Variants in MAGI2 observed in about 807,000 individuals in gnomAD.
MAGI2 encodes the protein membrane-associated guanylate kinase, WW and PDZ domain-containing protein 2.
MAGI2 carries 35 observed loss-of-function variants against 133.3 expected under a neutral mutation model. That is an observed-to-expected ratio of 0.26 (90% CI 0.20 to 0.35). The LOEUF (loss-of-function observed/expected upper bound fraction) is 0.35. Ranked by LOEUF, MAGI2 falls within the 10% of genes least tolerant of loss-of-function variation. MAGI2 has a pLI of 1.00. For missense variants in MAGI2, 1,636 were observed against 1,863.4 expected (o/e 0.88, Z 2.25); for synonymous variants, 729 against 710.6 (o/e 1.03, Z -0.41).
At chr7:78,760,458 G>A (rs1585321070) in intron 2 of MAGI2, among the ~76,000 whole-genome samples, 1 of 151,390 alleles carries the variant, frequency 6.6e-6, no homozygotes, top group East Asian at 2.0e-4. Flanking sequence ...CACCTCCTGG[G>A]TTCGAGCGAT....
intron 1 of MAGI2, among the ~76,000 whole-genome samples, chr7:79,391,522 T>TATATAGAC: frequency 1.8e-5 from 1 of 54,200 alleles, no homozygotes; most frequent in East Asian, 8.2e-4. Context: ...TATATATATA[T>TATATAGAC]ATATATATAT....
intron 1 of MAGI2, among the ~76,000 whole-genome samples, chr7:79,252,156 C>CAAAAAAAAAAAAAAAAAAAAAA (rs1208897198): frequency 9.7e-6 from 1 of 102,596 alleles, no homozygotes; most frequent in Non-Finnish European, 1.8e-5. Flanking sequence ...GACCCTGTCT[C>CAAAAAAAAAAAAAAAAAAAAAA]AAAAAAAAAA....
chr7:78,752,637 C>A (rs1263743847), intron 2 of MAGI2, among the ~76,000 whole-genome samples: 1 of 152,110 alleles, frequency 6.6e-6, no homozygotes, highest in African/African-American at 2.4e-5. Flanking sequence ...CACAGAAAGA[C>A]CCTGTCTAAC....
intron 4 of MAGI2, among the ~76,000 whole-genome samples, chr7:78,517,608 T>C (rs2150574880): frequency 6.6e-6 from 1 of 152,170 alleles, no homozygotes; most frequent in Non-Finnish European, 1.5e-5. Context: ...TAGAGGAGAG[T>C]GGCCATTATT....
chr7:78,796,775 A>G (rs1297439454), intron 2 of MAGI2, among the ~76,000 whole-genome samples: 1 of 152,184 alleles, frequency 6.6e-6, no homozygotes, highest in South Asian at 2.1e-4. Context: ...GTATATATAC[A>G]TAATGGAATA....
At chr7:78,746,582 A>G (rs900143692) in intron 2 of MAGI2, among the ~76,000 whole-genome samples, 2 of 152,200 alleles carry the variant, frequency 1.3e-5, no homozygotes, top group African/African-American at 4.8e-5. Flanking sequence ...TAAATTTCAT[A>G]CTAATGCCAG....
chr7:79,058,477 A>G (rs1341027576), intron 1 of MAGI2, among the ~76,000 whole-genome samples: 1 of 152,170 alleles, frequency 6.6e-6, no homozygotes, highest in Non-Finnish European at 1.5e-5. Flanking sequence ...CAGTTGAGAA[A>G]GCATCAAAGG....
intron 2 of MAGI2, among the ~76,000 whole-genome samples, chr7:78,752,464 A>C (rs548449767): frequency 2.0e-5 from 3 of 150,900 alleles, no homozygotes; most frequent in Middle Eastern, 3.4e-3. Context: ...TCAGCTGGGC[A>C]TGGTGGTGTG....
At chr7:78,415,160 A>G (rs888140022) in intron 6 of MAGI2, among the ~76,000 whole-genome samples, 3 of 152,240 alleles carry the variant, frequency 2.0e-5, no homozygotes, top group African/African-American at 4.8e-5. Context: ...CTTTATGTTC[A>G]GCTCATGATA....
At chr7:79,248,293 G>A (rs1285998396) in intron 1 of MAGI2, among the ~76,000 whole-genome samples, 1 of 152,096 alleles carries the variant, frequency 6.6e-6, no homozygotes, top group Non-Finnish European at 1.5e-5. Context: ...AATGATAAAA[G>A]GGTCAATTCA....
chr7:79,431,518 G>A lies in MAGI2; in HGVS notation c.301+21502C>T, dbSNP rs748384841. Among the ~76,000 whole-genome samples the A allele has an allele frequency of 4.6e-5, 7 of 151,992 alleles. No homozygotes were observed. In the East Asian group the frequency reaches 5.8e-4, roughly 13 times the overall value. ...TATTTTATATTCCTTGTATTTTAAC[G>A]TAGTCCTAATATAGTATTTTTATGG... On this transcript the variant is annotated intron_variant, in intron 1 of 21. Transcript: ENST00000354212.
chr7:78,676,909 C>T (rs779964317), intron 2 of MAGI2, among the ~76,000 whole-genome samples: 1 of 152,032 alleles, frequency 6.6e-6, no homozygotes, highest in Non-Finnish European at 1.5e-5. Flanking sequence ...ATAAAGCATT[C>T]CCTTGATTCA....
chr7:78,667,437 T>C (rs1813736786), intron 2 of MAGI2, among the ~76,000 whole-genome samples: 1 of 151,754 alleles, frequency 6.6e-6, no homozygotes. Flanking sequence ...ATGTGCACAA[T>C]GTGCAAGTTA....
chr7:79,184,482 TTAAAA>T (rs1225601636), intron 1 of MAGI2, among the ~76,000 whole-genome samples: 16 of 151,248 alleles, frequency 1.1e-4, no homozygotes, highest in Admixed American at 6.6e-4. Flanking sequence ...AATATTAAAG[TTAAAA>T]TAAAAAACAA....
At chr7:79,384,492 TC>T (rs1844040521) in intron 1 of MAGI2, among the ~76,000 whole-genome samples, 1 of 151,610 alleles carries the variant, frequency 6.6e-6, no homozygotes, top group African/African-American at 2.4e-5. Flanking sequence ...TATAACTTTT[TC>T]CATTAATTTT....
chr7:78,503,937 T>C (rs527314984), intron 4 of MAGI2, among the ~76,000 whole-genome samples: 38 of 134,342 alleles, frequency 2.8e-4, no homozygotes, highest in African/African-American at 9.9e-4. Flanking sequence ...CTTTATAAAT[T>C]ACCCAGTCTC....
At chr7:78,769,739 A>AG (rs1453133670) in intron 2 of MAGI2, among the ~76,000 whole-genome samples, 1 of 152,188 alleles carries the variant, frequency 6.6e-6, no homozygotes, top group Admixed American at 6.5e-5. Context: ...TTTGGTCCAA[A>AG]GGGACTCAGC....
intron 9 of MAGI2, among the ~76,000 whole-genome samples, chr7:78,322,622 A>T (rs936163881): frequency 6.6e-6 from 1 of 151,950 alleles, no homozygotes; most frequent in Non-Finnish European, 1.5e-5. Context: ...AGATGGGGGG[A>T]TAGGGGAGGG....
At chr7:78,627,748 C>CAG (rs560995952) in intron 2 of MAGI2, among the ~76,000 whole-genome samples, 1 of 152,160 alleles carries the variant, frequency 6.6e-6, no homozygotes, top group Non-Finnish European at 1.5e-5. Context: ...AATTTGCACC[C>CAG]AGAGCCATTT....
Sources: gnomAD v4.1 joint callset for allele counts (sites outside exome capture counted in the v4.1 genomes callset) on GRCh38, gnomAD v4.1.1 for gene constraint, MANE v1.5 for transcripts, NCBI Gene and HGNC (gene_info 2026-07-23, HGNC 2026-07-21) for gene names.